The following UBE3C variants were observed in gnomAD, a reference collection of about 807,000 sequenced individuals.
UBE3C encodes ubiquitin protein ligase E3C.
Under a neutral mutation model 129.4 loss-of-function variants are expected in UBE3C, and 42 were observed. The observed-to-expected ratio is 0.32, with a 90% CI of 0.25 to 0.42. The LOEUF (loss-of-function observed/expected upper bound fraction) is 0.42. UBE3C is among the 10% of genes least tolerant of loss of function. UBE3C has a pLI of 1.00. For synonymous variants in UBE3C, 510 were observed against 492.4 expected (o/e 1.04, Z -0.47); for missense variants, 1,049 against 1,319.1 (o/e 0.80, Z 3.17).
intron 18 of UBE3C, among the ~76,000 whole-genome samples, chr7:157,232,156 T>A (rs73176422): frequency 0.011 from 1,719 of 152,322 alleles, 14 homozygotes; most frequent in Non-Finnish European, 0.019. Context: ...TTATTTTTTT[T>A]AATAAGGACA....
At chr7:157,259,619 G>T (rs1337878106) in intron 22 of UBE3C, among the ~76,000 whole-genome samples, 5 of 152,182 alleles carry the variant, frequency 3.3e-5, no homozygotes, top group African/African-American at 1.2e-4. Context: ...AACGAAGCAA[G>T]ACACAAGACT....
chr7:157,192,064 C>T (rs921327187), intron 10 of UBE3C, among the ~76,000 whole-genome samples: 17 of 152,174 alleles, frequency 1.1e-4, no homozygotes, highest in African/African-American at 4.1e-4. Context: ...ATTTTGAAAT[C>T]CTATCTAGAT....
At chr7:157,218,041 T>C (rs1366502983) in intron 14 of UBE3C, among the ~76,000 whole-genome samples, 1 of 149,630 alleles carries the variant, frequency 6.7e-6, no homozygotes, top group Non-Finnish European at 1.5e-5. Flanking sequence ...ACAAAAAATA[T>C]AAGTGATGTT....
At chr7:157,151,449 C>G (rs1211288394) in intron 1 of UBE3C, among the ~76,000 whole-genome samples, 2 of 152,220 alleles carry the variant, frequency 1.3e-5, no homozygotes, top group East Asian at 3.9e-4. Flanking sequence ...AATTGGCAAA[C>G]TAGGAGCAGC....
intron 22 of UBE3C, among the ~76,000 whole-genome samples, chr7:157,263,817 G>A (rs982733458): frequency 1.3e-5 from 2 of 148,502 alleles, no homozygotes; most frequent in Admixed American, 6.7e-5. Flanking sequence ...TGGAAATTGT[G>A]ATCAAGTATA....
chr7:157,201,855 G>A, intron 11 of UBE3C, 48 bp downstream of exon 11: 1 of 1,496,606 alleles, frequency 6.7e-7, no homozygotes, highest in Non-Finnish European at 9.2e-7. Flanking sequence ...CACAGGAAGT[G>A]GCAGCCTAAT....
chr7:157,183,646 A>G (rs1359751404), intron 8 of UBE3C, among the ~76,000 whole-genome samples: 1 of 152,212 alleles, frequency 6.6e-6, no homozygotes, highest in African/African-American at 2.4e-5. Context: ...AGGGCTGGCT[A>G]TGAATAACAA....
At chr7:157,252,571 G>A (rs1182380) in intron 19 of UBE3C, among the ~76,000 whole-genome samples, 145,459 of 152,346 alleles carry the variant, frequency 0.95, 69,508 homozygotes, top group East Asian at 0.99. Flanking sequence ...TGAACATTCT[G>A]TATAAAATGA....
intron 21 of UBE3C, among the ~76,000 whole-genome samples, chr7:157,254,538 C>T (rs532469821): frequency 6.6e-6 from 1 of 151,894 alleles, no homozygotes; most frequent in South Asian, 2.1e-4. Flanking sequence ...GCTGGGATTA[C>T]AGGCACCTGC....
intron 12 of UBE3C, 22 bp from the exon 13 acceptor site, chr7:157,207,681 A>G (rs756242360): frequency 1.2e-6 from 2 of 1,603,840 alleles, no homozygotes; most frequent in South Asian, 2.2e-5. Context: ...GAAACAATAG[A>G]AAACTGGATT....
At chr7:157,258,067 C>T (rs1160003611) in intron 22 of UBE3C, among the ~76,000 whole-genome samples, 1 of 151,668 alleles carries the variant, frequency 6.6e-6, no homozygotes, top group Non-Finnish European at 1.5e-5. Flanking sequence ...CCCACCTCAG[C>T]CTCCCAAGTA....
In UBE3C at chr7:157,139,139, C is replaced by A. The variant is rs1807348296; in HGVS notation, c.-134C>A. 3 of 411,780 alleles carry A rather than the reference C, an allele frequency of 7.3e-6. No individual in the cohort carries two copies. The highest frequency in any genetic ancestry group is 9.9e-6 in the Non-Finnish European group (3 of 303,226). The allele number at this position is 411,780 out of a possible 1,614,324, so 25.5% of individuals were successfully genotyped here. ...GTACAGCCCGGGGGCGGGCTCGGGT[C>A]GCCTCCCGGCCGCCGCGTCCTCGCT... On this transcript the variant is annotated 5_prime_UTR_variant, in exon 1 of 23. An upstream open reading frame in the 5' UTR gains an earlier in-frame stop. Coordinates refer to ENST00000348165, the MANE Select transcript of UBE3C (RefSeq NM_014671.3).
intron 4 of UBE3C, among the ~76,000 whole-genome samples, chr7:157,172,440 A>G (rs916779770): frequency 1.3e-5 from 2 of 152,222 alleles, no homozygotes; most frequent in African/African-American, 4.8e-5. Context: ...TCCTCGCTAC[A>G]AACCATCCCT....
chr7:157,169,247 T>C (rs1055414763), intron 3 of UBE3C, 125 bp downstream of exon 3: 1 of 639,920 alleles, frequency 1.6e-6, no homozygotes, highest in African/African-American at 1.8e-5. Context: ...ATAAATAATT[T>C]TATTTGTTCT....
At chr7:157,158,515 T>C (rs1807979678) in intron 1 of UBE3C, among the ~76,000 whole-genome samples, 2 of 152,226 alleles carry the variant, frequency 1.3e-5, no homozygotes, top group Non-Finnish European at 1.5e-5. Context: ...GGGAAGCTGC[T>C]GCCAAAGCTG....
intron 1 of UBE3C, among the ~76,000 whole-genome samples, chr7:157,146,516 C>T (rs974701885): frequency 4.6e-5 from 7 of 152,162 alleles, no homozygotes; most frequent in Admixed American, 1.3e-4. Flanking sequence ...CCCCTGCGTC[C>T]GGCCTTTACG....
chr7:157,146,723 C>T (rs1310410232), intron 1 of UBE3C, among the ~76,000 whole-genome samples: 1 of 152,118 alleles, frequency 6.6e-6, no homozygotes, highest in Non-Finnish European at 1.5e-5. Context: ...GTTGTGACCT[C>T]GGCTCACTGC....
At chr7:157,191,511 G>A (rs944083175) in intron 10 of UBE3C, among the ~76,000 whole-genome samples, 3 of 152,086 alleles carry the variant, frequency 2.0e-5, no homozygotes, top group African/African-American at 7.2e-5. Context: ...GGCTGGTCTC[G>A]AACACCTGGG....
At chr7:157,157,334 G>C (rs754957074) in intron 1 of UBE3C, among the ~76,000 whole-genome samples, 4 of 152,080 alleles carry the variant, frequency 2.6e-5, no homozygotes, top group Non-Finnish European at 5.9e-5. Flanking sequence ...CATAACCAAG[G>C]TTAAAGAGTA....
Sources: allele counts gnomAD v4.1 joint callset (sites outside exome capture counted in the v4.1 genomes callset), GRCh38; gene constraint gnomAD v4.1.1; transcripts MANE v1.5; gene names NCBI Gene and HGNC (gene_info 2026-07-23, HGNC 2026-07-21).